The following CLASP1 variants were observed in gnomAD, a reference collection of about 807,000 sequenced individuals.
The protein encoded by CLASP1 is CLIP-associating protein 1.
Under a neutral mutation model 192.3 loss-of-function variants are expected in CLASP1, and 38 were observed. The observed-to-expected ratio is 0.20, with a 90% CI of 0.15 to 0.26. CLASP1 has a LOEUF of 0.26. Among genes scored for constraint, CLASP1 ranks in the 10% least tolerant of loss-of-function variants. The pLI, the probability that CLASP1 is intolerant of heterozygous loss-of-function variation, is 1.00. For synonymous variants in CLASP1, 691 were observed against 712.8 expected, an observed-to-expected ratio of 0.97 and a Z score of 0.49; for missense variants, 1,433 against 1,932.5, an observed-to-expected ratio of 0.74 and a Z score of 4.85.
chr2:121,425,368 T>C, intron 21 of CLASP1, 62 bp from the exon 22 acceptor site: 1 of 1,421,498 alleles, frequency 7.0e-7, no homozygotes, highest in Non-Finnish European at 9.6e-7. Flanking sequence ...ACTATAATAC[T>C]TTCAAAAGCC....
chr2:121,643,700 G>A (rs1472505074), intron 1 of CLASP1, among the ~76,000 whole-genome samples: 2 of 152,184 alleles, frequency 1.3e-5, no homozygotes, highest in East Asian at 3.8e-4. Context: ...TGTTTCTCCA[G>A]GAGTCTGAAA....
chr2:121,503,263 A>G, intron 7 of CLASP1, 29 bp from the exon 8 acceptor site: 1 of 1,277,932 alleles, frequency 7.8e-7, no homozygotes, highest in Non-Finnish European at 1.1e-6. Flanking sequence ...TAAACAAACT[A>G]TTAACCATCA....
At chr2:121,384,502 T>G (rs1332604303) in intron 32 of CLASP1, among the ~76,000 whole-genome samples, 1 of 152,178 alleles carries the variant, frequency 6.6e-6, no homozygotes, top group Admixed American at 6.5e-5. Flanking sequence ...GTGATATTTT[T>G]AAACAATTAT....
chr2:121,398,461 C>T, intron 28 of CLASP1, 61 bp from the exon 30 acceptor site: 1 of 1,145,732 alleles, frequency 8.7e-7, no homozygotes, highest in Non-Finnish European at 1.3e-6. Context: ...CAATGTAAAA[C>T]TATTTAACAA....
chr2:121,388,646 T>TTTAG (rs1216184581), intron 30 of CLASP1, among the ~76,000 whole-genome samples: 2 of 152,150 alleles, frequency 1.3e-5, no homozygotes, highest in Non-Finnish European at 2.9e-5. Flanking sequence ...TTTCTATGGA[T>TTTAG]TTAGTAGCAG....
intron 16 of CLASP1, among the ~76,000 whole-genome samples, chr2:121,450,192 G>A (rs1041887347): frequency 2.6e-5 from 4 of 152,056 alleles, no homozygotes; most frequent in African/African-American, 7.2e-5. Flanking sequence ...TTAGCCAGGC[G>A]TGAGGGCAGG....
At position 121,531,455 on chromosome 2, in the gene CLASP1, C is replaced by T. The variant is rs185203989; in HGVS notation, c.196-1130G>A. Among the ~76,000 whole-genome samples, 16 of 150,728 alleles carry T rather than the reference C, an allele frequency of 1.1e-4. No homozygotes were observed. The East Asian group carries it at 2.9e-3, about 28-fold the overall frequency. On this transcript the variant is annotated intron_variant, in intron 2 of 39. Coordinates refer to ENST00000263710, the Ensembl canonical transcript of CLASP1. ...CTAAAAATACAAAAAATTAGCCGGGCGAGGTGGCCGGCGCCTGTAGTCCCA... is the reference window on the plus strand; with the variant it reads ...CTAAAAATACAAAAAATTAGCCGGGTGAGGTGGCCGGCGCCTGTAGTCCCA...
At chr2:121,371,027 T>C (rs760750166) in intron 34 of CLASP1, among the ~76,000 whole-genome samples, 19 of 152,252 alleles carry the variant, frequency 1.2e-4, no homozygotes, top group African/African-American at 4.6e-4. Flanking sequence ...AGATGGACAG[T>C]GTGATATTAC....
intron 11 of CLASP1, among the ~76,000 whole-genome samples, chr2:121,460,686 C>A (rs1188425880): frequency 6.6e-6 from 1 of 152,168 alleles, no homozygotes; most frequent in Non-Finnish European, 1.5e-5. Flanking sequence ...GCTGAGCCCA[C>A]TTTCCATTAA....
chr2:121,356,972 G>A (rs940294347), intron 37 of CLASP1, among the ~76,000 whole-genome samples: 3 of 152,202 alleles, frequency 2.0e-5, no homozygotes, highest in Non-Finnish European at 4.4e-5. Flanking sequence ...GGCTGGGCTG[G>A]CCTCTCAGGA....
exon 25 of CLASP1, chr2:121,407,621 T>C: frequency 1.9e-6 from 3 of 1,613,978 alleles, no homozygotes; most frequent in South Asian, 1.1e-5. Flanking sequence ...CCTGGAGCCA[T>C]ATGAGCGCTC....
rs1242704162 is a variant in CLASP1 at position 121,418,793 on chromosome 2, C to T, written c.2213-64G>A. Reference sequence around the variant, plus strand: ...AGTTTAATGAAGACAGATAAACTCACAAAATGTCAGTCACATTTGGTTAAT... The same window carrying T: ...AGTTTAATGAAGACAGATAAACTCATAAAATGTCAGTCACATTTGGTTAAT... On this transcript the variant is annotated intron_variant, in intron 22 of 39. Coordinates refer to ENST00000263710, the Ensembl canonical transcript of CLASP1. The T allele has an allele frequency of 2.6e-5, 30 of 1,154,126 alleles. No individual in the cohort carries two copies. In the South Asian group the frequency reaches 2.7e-4, roughly 10 times the overall value. 71.5% of individuals were successfully genotyped at this position (1,154,126 alleles called of 1,614,324 possible).
At chr2:121,372,604 T>C (rs2068982982) in intron 34 of CLASP1, among the ~76,000 whole-genome samples, 1 of 152,254 alleles carries the variant, frequency 6.6e-6, no homozygotes, top group African/African-American at 2.4e-5. Context: ...TTTCACTGAA[T>C]TGCACTAGCA....
intron 2 of CLASP1, among the ~76,000 whole-genome samples, chr2:121,549,829 C>A (rs2057850520): frequency 6.6e-6 from 1 of 150,908 alleles, no homozygotes; most frequent in African/African-American, 2.4e-5. Context: ...CATGGTGAAA[C>A]CCCGTCTCTA....
intron 2 of CLASP1, among the ~76,000 whole-genome samples, chr2:121,533,032 G>A (rs2094938668): frequency 6.6e-6 from 1 of 152,176 alleles, no homozygotes; most frequent in East Asian, 1.9e-4. Flanking sequence ...CAAGGCTAAG[G>A]TAAAGAGGAC....
intron 33 of CLASP1, among the ~76,000 whole-genome samples, chr2:121,378,191 A>G (rs961195248): frequency 1.6e-4 from 24 of 152,180 alleles, no homozygotes; most frequent in Admixed American, 6.5e-4. Context: ...CCTAGACTCA[A>G]AGTCAGATCC....
chr2:121,418,483 T>G, intron 23 of CLASP1, 139 bp downstream of exon 23: 1 of 641,784 alleles, frequency 1.6e-6, no homozygotes, highest in Non-Finnish European at 2.7e-6. Flanking sequence ...GGACAAGGGG[T>G]AACTAAGGAA....
intron 1 of CLASP1, among the ~76,000 whole-genome samples, chr2:121,638,916 G>A (rs745377153): frequency 3.3e-5 from 5 of 152,068 alleles, no homozygotes; most frequent in African/African-American, 4.8e-5. Context: ...TGATCCACCC[G>A]CCTTGGCCTC....
At chr2:121,636,867 C>G (rs1158580347) in intron 1 of CLASP1, among the ~76,000 whole-genome samples, 1 of 151,812 alleles carries the variant, frequency 6.6e-6, no homozygotes, top group Non-Finnish European at 1.5e-5. Flanking sequence ...GAGTAAAAAA[C>G]TTTGAAGAAC....
Sources: allele counts gnomAD v4.1 joint callset (sites outside exome capture counted in the v4.1 genomes callset), GRCh38; gene constraint gnomAD v4.1.1; transcripts MANE v1.5; gene names NCBI Gene and HGNC (gene_info 2026-07-23, HGNC 2026-07-21).